The following JDP2 variants were observed in gnomAD, a reference collection of about 807,000 sequenced individuals.
JDP2 encodes the protein progesterone receptor co-activator.
JDP2 carries 9 observed loss-of-function variants against 17.1 expected under a neutral mutation model. The ratio of observed to expected loss-of-function variants is 0.53; its 90% confidence interval spans 0.32 to 0.92. The LOEUF is 0.92. JDP2 is among the 40% of genes least tolerant of loss of function. The pLI is 0.04. For missense variants in JDP2, 179 were observed against 220.0 expected (o/e 0.81, Z 1.18); for synonymous variants, 107 against 95.6 (o/e 1.12, Z -0.69).
chr14:75,461,555 G>A (rs767860700), intron 3 of JDP2, 25 bp downstream of exon 3: 53 of 1,543,054 alleles, frequency 3.4e-5, no homozygotes, highest in Middle Eastern at 4.1e-4. Context: ...TGGGTGGGGA[G>A]GCCTGCCATT....
At chr14:75,450,777 C>T (rs1428880868) in intron 2 of JDP2, among the ~76,000 whole-genome samples, 2 of 152,194 alleles carry the variant, frequency 1.3e-5, no homozygotes, top group Non-Finnish European at 2.9e-5. Flanking sequence ...AGGTGCTGAG[C>T]ACACAAAAAG....
At chr14:75,433,190 C>T (rs1306915015) in intron 1 of JDP2, among the ~76,000 whole-genome samples, 11 of 43,266 alleles carry the variant, frequency 2.5e-4, no homozygotes, top group Admixed American at 2.3e-3. Context: ...AGTGAAACTC[C>T]GTCTCAAAAA....
chr14:75,429,276 T>A (rs1422916720), intron 1 of JDP2, among the ~76,000 whole-genome samples: 1 of 152,194 alleles, frequency 6.6e-6, no homozygotes, highest in Non-Finnish European at 1.5e-5. Flanking sequence ...CCCTCCCTGT[T>A]GGAATCCAGG....
intron 2 of JDP2, among the ~76,000 whole-genome samples, chr14:75,438,526 A>T (rs918926624): frequency 6.6e-6 from 1 of 152,158 alleles, no homozygotes; most frequent in African/African-American, 2.4e-5. Context: ...AGAGAATGCC[A>T]ATATTAGGTT....
At chr14:75,465,503 G>GT (rs1036366679) in intron 3 of JDP2, among the ~76,000 whole-genome samples, 12 of 152,004 alleles carry the variant, frequency 7.9e-5, no homozygotes, top group East Asian at 1.9e-4. Flanking sequence ...CTAATTTTCT[G>GT]TTTTTTTGTA....
chr14:75,432,299 A>T (rs1438292909), intron 1 of JDP2: 2 of 1,550,992 alleles, frequency 1.3e-6, no homozygotes, highest in Non-Finnish European at 1.7e-6. Context: ...CTCCAAGAAG[A>T]GGCTTGGTGG....
At chr14:75,465,021 G>A (rs1886511824) in intron 3 of JDP2, among the ~76,000 whole-genome samples, 1 of 152,230 alleles carries the variant, frequency 6.6e-6, no homozygotes, top group African/African-American at 2.4e-5. Context: ...GTGGCCCTGG[G>A]AAGAGGAAAG....
Position 75,469,862 on chromosome 14 carries a change from A to G in JDP2, c.*387A>G, listed in dbSNP as rs1163128745. On this transcript the variant is annotated 3_prime_UTR_variant, in exon 4 of 4. Coordinates refer to ENST00000651602, the MANE Select transcript of JDP2 (RefSeq NM_001135048.2). ...AACCTCCGAACAGCCAGGAAAAGCC[A>G]TGAGTTGCAACCAAAACGCGGCTGA... is the stretch of plus-strand genomic sequence containing the variant. The G allele has an allele frequency of 5.9e-6, 1 of 169,102 alleles. No individual in the cohort carries two copies. The highest frequency in any genetic ancestry group is 1.3e-5 in the Non-Finnish European group (1 of 78,890). 10.5% of individuals were successfully genotyped at this position (169,102 alleles called of 1,614,324 possible).
chr14:75,439,962 G>A (rs918688727), intron 2 of JDP2, among the ~76,000 whole-genome samples: 9 of 152,346 alleles, frequency 5.9e-5, no homozygotes, highest in Middle Eastern at 3.4e-3. Flanking sequence ...GCTGGGATTC[G>A]CCTGGGGGGC....
At chr14:75,438,968 AAGG>A (rs1296877765) in intron 2 of JDP2, among the ~76,000 whole-genome samples, 1 of 152,122 alleles carries the variant, frequency 6.6e-6, no homozygotes, top group African/African-American at 2.4e-5. Flanking sequence ...GCCCCCTGGA[AAGG>A]AGGAGCCTGT....
intron 1 of JDP2, among the ~76,000 whole-genome samples, chr14:75,432,635 A>C (rs1467700260): frequency 6.6e-6 from 1 of 152,072 alleles, no homozygotes; most frequent in African/African-American, 2.4e-5. Flanking sequence ...ACCCATTCCT[A>C]TTCCTCGTGG....
intron 2 of JDP2, among the ~76,000 whole-genome samples, chr14:75,452,078 C>T (rs769450383): frequency 2.6e-5 from 4 of 152,146 alleles, no homozygotes; most frequent in Non-Finnish European, 5.9e-5. Flanking sequence ...ACCACTGTGC[C>T]CAGCTAAGAA....
intron 1 of JDP2, among the ~76,000 whole-genome samples, chr14:75,431,662 C>T (rs1884803567): frequency 6.6e-6 from 1 of 152,228 alleles, no homozygotes; most frequent in Non-Finnish European, 1.5e-5. Context: ...ACCTGGCACC[C>T]TTTGTTTCTG....
At position 75,470,083 on chromosome 14, in the gene JDP2, G is replaced by A. The variant is rs923068764; in HGVS notation, c.*608G>A. On this transcript the variant is annotated 3_prime_UTR_variant, in exon 4 of 4. Transcript: ENST00000651602. ...GAGTTTGCTGTGGGCACTGAGGCGC[G>A]GGCGCCCTTCCAAAGCACATACTCA... 2 of 152,588 alleles carry A rather than the reference G, an allele frequency of 1.3e-5. No homozygotes were observed. Among genetic ancestry groups the A allele is most frequent in the Admixed American group, 6.5e-5 (1 of 15,274 alleles). 9.5% of individuals were successfully genotyped at this position (152,588 alleles called of 1,614,324 possible).
upstream of JDP2, chr14:75,427,934 G>C (rs1192063898): frequency 1.3e-5 from 2 of 152,382 alleles, no homozygotes; most frequent in South Asian, 2.1e-4. This position sits in a 1 kb window ranked among gnomAD's most constrained non-coding sequence, Gnocchi z 4.4. Context: ...CTGACGTCTG[G>C]AGCTGGCAGC....
intron 3 of JDP2, among the ~76,000 whole-genome samples, chr14:75,468,824 C>CT (rs1886681167): frequency 6.6e-6 from 1 of 152,274 alleles, no homozygotes; most frequent in Admixed American, 6.5e-5. Flanking sequence ...CCACATGTGT[C>CT]TGTCACACAT....
rs535902750 is a variant in JDP2, at chr14:75,472,539, C to T, written c.*3064C>T. 19 of 152,288 alleles carry T rather than the reference C, an allele frequency of 1.2e-4. 1 individual carries two copies. The South Asian group carries it at 2.5e-3, about 20-fold the overall frequency. 9.4% of individuals were successfully genotyped at this position (152,288 alleles called of 1,614,324 possible). A position where few individuals can be genotyped will look rare whatever the true frequency, so the allele number is the denominator to read the frequency against. On this transcript the variant is annotated 3_prime_UTR_variant, in exon 4 of 4. Transcript: ENST00000651602. ...ACAGAAGACACACCTTAAAGGCAAA[C>T]GGGTTCATGATGTAATCTTCTATTG...
chr14:75,440,115 G>T (rs1256518255), intron 2 of JDP2, among the ~76,000 whole-genome samples: 1 of 152,160 alleles, frequency 6.6e-6, no homozygotes, highest in Non-Finnish European at 1.5e-5. Context: ...CATCTGCCCT[G>T]TACCCGACAG....
chr14:75,440,739 C>T (rs1180594129), intron 2 of JDP2, among the ~76,000 whole-genome samples: 1 of 152,198 alleles, frequency 6.6e-6, no homozygotes, highest in Non-Finnish European at 1.5e-5. Context: ...ACAGCCGGGT[C>T]TCACTTGTGC....
Sources: gnomAD v4.1 joint callset for allele counts (sites outside exome capture counted in the v4.1 genomes callset) on GRCh38, gnomAD v4.1.1 for gene constraint, Gnocchi (gnomAD v3.1) non-coding constraint, MANE v1.5 for transcripts, NCBI Gene and HGNC (gene_info 2026-07-23, HGNC 2026-07-21) for gene names.